The following RC3H2 variants were observed in gnomAD, a reference collection of about 807,000 sequenced individuals.
The protein encoded by RC3H2 is roquin-2.
Under a neutral mutation model 133.3 loss-of-function variants are expected in RC3H2, and 31 were observed. That is an observed-to-expected ratio of 0.23 (90% CI 0.17 to 0.31). RC3H2 has a LOEUF of 0.31. Among genes scored for constraint, RC3H2 ranks in the 10% least tolerant of loss-of-function variants. The probability of loss-of-function intolerance (pLI) is 1.00; values close to 1 mark genes in which losing one functional copy is unlikely to be tolerated. For synonymous variants in RC3H2, 517 were observed against 502.2 expected, an observed-to-expected ratio of 1.03 and a Z score of -0.40; for missense variants, 1,175 against 1,437.2, an observed-to-expected ratio of 0.82 and a Z score of 2.95.
intron 9 of RC3H2, among the ~76,000 whole-genome samples, chr9:122,877,257 G>A (rs552123147): frequency 1.3e-5 from 2 of 152,188 alleles, no homozygotes; most frequent in Admixed American, 6.5e-5. Flanking sequence ...TAGAGACGGG[G>A]GTCTCCTTAT....
At chr9:122,872,703 G>A (rs1247051605) in intron 9 of RC3H2, among the ~76,000 whole-genome samples, 3 of 152,170 alleles carry the variant, frequency 2.0e-5, no homozygotes, top group Non-Finnish European at 4.4e-5. Context: ...TCGTGCCTCA[G>A]CCTCCCCAGT....
At chr9:122,849,877 A>G (rs1344665615) in intron 20 of RC3H2, 55 bp from the exon 21 acceptor site, 1 of 1,256,674 alleles carries the variant, frequency 8.0e-7, no homozygotes. Context: ...CAAACTGTTA[A>G]GGGTGACTAT....
At chr9:122,863,437 T>G (rs2131403914) in intron 10 of RC3H2, among the ~76,000 whole-genome samples, 1 of 152,344 alleles carries the variant, frequency 6.6e-6, no homozygotes, top group East Asian at 1.9e-4. Flanking sequence ...AAAAGACTGG[T>G]CTCCTCAATA....
chr9:122,904,744 G>C (rs1281960569), intron 1 of RC3H2, among the ~76,000 whole-genome samples: 1 of 152,206 alleles, frequency 6.6e-6, no homozygotes, highest in Non-Finnish European at 1.5e-5. Context: ...GAAAAGCTAG[G>C]AGAAGACTTG....
chr9:122,887,929 G>C (rs914390401), intron 4 of RC3H2, among the ~76,000 whole-genome samples: 2 of 152,040 alleles, frequency 1.3e-5, no homozygotes. Flanking sequence ...ATTTTTAGTA[G>C]AGACAGGGTT....
chr9:122,886,743 T>C (rs1831931064), intron 4 of RC3H2, among the ~76,000 whole-genome samples: 1 of 152,216 alleles, frequency 6.6e-6, no homozygotes, highest in Admixed American at 6.5e-5. Flanking sequence ...TATGTCCCTG[T>C]GATTTTGATT....
At chr9:122,858,579 G>GT in intron 12 of RC3H2, 90 bp downstream of exon 12, 3 of 1,050,778 alleles carry the variant, frequency 2.9e-6, no homozygotes, top group South Asian at 3.1e-5. Flanking sequence ...CACACAATTA[G>GT]TAAGTGGAGG....
rs752499085 is a variant in RC3H2 at position 122,859,952 on chromosome 9, T to C, written c.1814A>G (p.Gln605Arg). ...NIQYFQDPRT[Q>R]IPFEVPQYPQ... is the part of the protein sequence containing the mutation. ...GTACTGTGGGACTTCAAAGGGTATC[T>C]GAGTCCTTGGATCTTGAAAATACTG... Residue 605 changes from glutamine to arginine, a missense_variant, in exon 11 of 21, where the codon CAG becomes CGG. Physicochemically the swap from Gln to Arg is conservative, Grantham distance 43 (BLOSUM62 1). This residue lies in a region of RC3H2 where 490 missense variants were observed against 492.8 expected (regional missense o/e 0.99). Coordinates refer to ENST00000357244, the MANE Select transcript of RC3H2 (RefSeq NM_001100588.3). 4.3e-6 allele frequency: 7 copies of C among 1,614,102 alleles called. No homozygotes were observed. Among genetic ancestry groups the C allele is most frequent in the Non-Finnish European group, 5.9e-6 (7 of 1,179,912 alleles).
At chr9:122,898,183 C>G (rs1832500554) in intron 1 of RC3H2, 1 of 152,140 alleles carries the variant, frequency 6.6e-6, no homozygotes, top group Non-Finnish European at 1.5e-5. Flanking sequence ...ATTAAGAGAG[C>G]TGTTTGTTCA....
intron 9 of RC3H2, among the ~76,000 whole-genome samples, chr9:122,868,449 C>G (rs535850721): frequency 6.6e-6 from 1 of 151,662 alleles, no homozygotes; most frequent in East Asian, 1.9e-4. Context: ...TACCCCCAAC[C>G]CTGTGCTCTC....
intron 9 of RC3H2, among the ~76,000 whole-genome samples, chr9:122,867,566 A>G (rs1241398568): frequency 9.2e-6 from 1 of 109,164 alleles, no homozygotes; most frequent in African/African-American, 3.4e-5. Context: ...CTGGCTGCCC[A>G]GTCTGGAAAG....
At chr9:122,878,975 T>G (rs1831469836) in intron 8 of RC3H2, among the ~76,000 whole-genome samples, 1 of 150,532 alleles carries the variant, frequency 6.6e-6, no homozygotes, top group Non-Finnish European at 1.5e-5. Context: ...CAAGCTGGTC[T>G]CGAACTTCTG....
intron 2 of RC3H2, among the ~76,000 whole-genome samples, chr9:122,894,820 C>T (rs4838021): frequency 0.23 from 34,603 of 151,978 alleles, 5,378 homozygotes; most frequent in East Asian, 0.65. Flanking sequence ...GTGGAGGTTG[C>T]AGTGAGCCGA....
Position 122,857,930 on chromosome 9 carries a change from C to G in RC3H2, c.2447G>C (p.Arg816Pro). 1.2e-6 allele frequency: 2 copies of G among 1,612,430 alleles called. No individual in the cohort carries two copies. The highest frequency in any genetic ancestry group is 1.7e-6 in the Non-Finnish European group (2 of 1,179,350). ...AATTAAAACCTTTCTTACATCCGCA[C>G]GAAAGTCTACACTGAACAGAGGAGA... ...PPSPLFSVDF[R>P]ADFSESVSGT... The change falls in exon 13 of 21, where the codon CGT (arginine) becomes CCT (proline). Residue 816 changes from arginine to proline, a missense_variant. Transcript: ENST00000357244.
chr9:122,869,063 G>A (rs879856966), intron 9 of RC3H2, among the ~76,000 whole-genome samples: 11 of 151,808 alleles, frequency 7.2e-5, no homozygotes, highest in Non-Finnish European at 1.3e-4. Flanking sequence ...CTGCCACCAC[G>A]CCTGGTTAAC....
rs974535208 is a variant in RC3H2, at chr9:122,865,711, G to C, written c.1326-54C>G. 4.0e-6 allele frequency: 6 copies of C among 1,506,330 alleles called. No homozygotes were observed. In the African/African-American group the frequency reaches 8.3e-5, roughly 21 times the overall value. The allele number at this position is 1,506,330 out of a possible 1,614,324, so 93.3% of individuals were successfully genotyped here. Reference sequence around the variant, plus strand: ...GAATATTTCACTAAATCTTACTCAAGACAAAAAATGGCAATGGGCAATGGG... The same window carrying C: ...GAATATTTCACTAAATCTTACTCAACACAAAAAATGGCAATGGGCAATGGG... On this transcript the variant is annotated intron_variant, in intron 9 of 20. Coordinates refer to ENST00000357244, the MANE Select transcript of RC3H2 (RefSeq NM_001100588.3).
rs1830222736 is a variant in RC3H2, at chr9:122,855,814, G to A, written c.2519C>T (p.Ser840Phe). The A allele has an allele frequency of 6.2e-7, 1 of 1,613,574 alleles. No homozygotes were observed. The highest frequency in any genetic ancestry group is 8.5e-7 in the Non-Finnish European group (1 of 1,179,696). Reference sequence around the variant, plus strand: ...TATACAGGAGCCTATGGTGCCACAAGACCAGGGAGAATAATGGGAAAGATG... The same window carrying A: ...TATACAGGAGCCTATGGTGCCACAAAACCAGGGAGAATAATGGGAAAGATG... ...EDHLSHYSPWSCGTIGSCINA... is the reference protein window; with the variant it reads ...EDHLSHYSPWFCGTIGSCINA... Residue 840 changes from serine to phenylalanine, a missense_variant, in exon 14 of 21, where the codon TCT becomes TTT. Coordinates refer to ENST00000357244, the MANE Select transcript of RC3H2 (RefSeq NM_001100588.3).
intron 1 of RC3H2, among the ~76,000 whole-genome samples, chr9:122,898,838 A>G (rs1832532424): frequency 6.6e-6 from 1 of 152,162 alleles, no homozygotes; most frequent in African/African-American, 2.4e-5. Context: ...AACTTCCCAG[A>G]ATTTCTTTAT....
At position 122,851,166 on chromosome 9, in the gene RC3H2, C is replaced by A. The variant is rs547379114; in HGVS notation, c.3295G>T (p.Val1099Leu). Residue 1099 changes from valine to leucine, a missense_variant, in exon 20 of 21, where the codon GTG becomes TTG. This residue lies in a region of RC3H2 where 220 missense variants were observed against 201.1 expected (regional missense o/e 1.09). Coordinates refer to ENST00000357244, the MANE Select transcript of RC3H2 (RefSeq NM_001100588.3). ...TGCTGTACTGGATGCCCATTTTCCA[C>A]TGCCATTCCATTTAGCAACTGATCA... ...QNDQLLNGMA[V>L]ENGHPVQQHQ... 1.2e-6 allele frequency: 2 copies of A among 1,614,208 alleles called. No homozygotes were observed. The highest frequency in any genetic ancestry group is 4.5e-5 in the East Asian group (2 of 44,886).
Sources: allele counts gnomAD v4.1 joint callset (sites outside exome capture counted in the v4.1 genomes callset), GRCh38; gene constraint gnomAD v4.1.1; regional missense constraint gnomAD v4.1.1; transcripts MANE v1.5; gene names NCBI Gene and HGNC (gene_info 2026-07-23, HGNC 2026-07-21).